Variants in CRACD observed in about 807,000 individuals in gnomAD.
CRACD encodes the protein capping protein inhibiting regulator of actin dynamics.
CRACD carries 56 observed loss-of-function variants against 106.8 expected under a neutral mutation model. The observed-to-expected ratio is 0.52, with a 90% CI of 0.42 to 0.66. The LOEUF (loss-of-function observed/expected upper bound fraction) is 0.66. Among genes scored for constraint, CRACD ranks in the 30% least tolerant of loss-of-function variants. The pLI, the probability that CRACD is intolerant of heterozygous loss-of-function variation, is 0.00. For synonymous variants in CRACD, 754 were observed against 670.8 expected, an observed-to-expected ratio of 1.12 and a Z score of -1.92; for missense variants, 1,730 against 1,623.2, an observed-to-expected ratio of 1.07 and a Z score of -1.13.
intron 2 of CRACD, among the ~76,000 whole-genome samples, chr4:56,210,621 T>C (rs150027972): frequency 3.3e-3 from 509 of 152,362 alleles, no homozygotes; most frequent in Non-Finnish European, 4.3e-3. Context: ...GCAAGGTTTG[T>C]TAGGTAAACA....
intron 2 of CRACD, among the ~76,000 whole-genome samples, chr4:56,210,636 T>C (rs1738352640): frequency 6.6e-6 from 1 of 152,252 alleles, no homozygotes; most frequent in African/African-American, 2.4e-5. Flanking sequence ...TAAACATTAA[T>C]CCATTGTCTT....
Position 56,315,461 on chromosome 4 carries a change from G to C in CRACD, c.1959G>C (p.Lys653Asn), listed in dbSNP as rs769843830. 29 of 1,613,010 alleles carry C rather than the reference G, an allele frequency of 1.8e-5. No homozygotes were observed. The highest frequency in any genetic ancestry group is 2.4e-5 in the Non-Finnish European group (28 of 1,179,830). The change falls in exon 8 of 11, where the codon AAG becomes AAC. Residue 653 changes from lysine (K) to asparagine (N), a missense_variant. Around this residue, in one of 5 missense-constraint regions of CRACD, gnomAD observed 1,620 missense variants for 1,481.6 expected, o/e 1.09. Coordinates refer to ENST00000682029, the MANE Select transcript of CRACD (RefSeq NM_001393381.1). The surrounding 1 kb of genome is among the most constrained non-coding windows in gnomAD (Gnocchi z 4.1). ...CGAGGGCGGGCAGCGGGAAGGCTAA[G>C]CCCCGCCAGGAGTCTCCCAGCAGCG... ...GDARAGSGKAKPRQESPSSAS... is the reference protein window; with the variant it reads ...GDARAGSGKANPRQESPSSAS...
intron 2 of CRACD, among the ~76,000 whole-genome samples, chr4:56,216,702 C>T (rs975045173): frequency 4.6e-5 from 7 of 152,094 alleles, no homozygotes; most frequent in Admixed American, 2.0e-4. Flanking sequence ...AATGTCAGGC[C>T]GGGCGCGGTG....
intron 1 of CRACD, among the ~76,000 whole-genome samples, chr4:56,079,812 C>G (rs527663341): frequency 1.3e-5 from 2 of 152,006 alleles, no homozygotes; most frequent in Non-Finnish European, 2.9e-5. Flanking sequence ...CAATGAAAAC[C>G]GTGCAGTAGC....
At position 56,180,654 on chromosome 4, in the gene CRACD, C is replaced by T. The variant is rs369979087; in HGVS notation, c.-189+1224C>T. 3.3e-5 allele frequency among the ~76,000 whole-genome samples: 5 copies of T among 152,144 alleles called. No homozygotes were observed. The East Asian group carries it at 9.6e-4, about 29-fold the overall frequency. On this transcript the variant is annotated intron_variant, in intron 2 of 10. Coordinates refer to ENST00000682029, the MANE Select transcript of CRACD (RefSeq NM_001393381.1). ...AGGAAATAAAATAACAACTACCTAT[C>T]AACAGTGACCTATTACGATAACTAC...
intron 1 of CRACD, among the ~76,000 whole-genome samples, chr4:56,143,667 C>A (rs1735282422): frequency 6.6e-6 from 1 of 152,102 alleles, no homozygotes; most frequent in African/African-American, 2.4e-5. Context: ...CCCATATTGG[C>A]CATGATTCTT....
chr4:56,300,871 G>T (rs555230767), intron 4 of CRACD, among the ~76,000 whole-genome samples: 2 of 152,294 alleles, frequency 1.3e-5, no homozygotes, highest in African/African-American at 2.4e-5. Flanking sequence ...AGTAAGGCGT[G>T]ATTTTAAATA....
intron 2 of CRACD, among the ~76,000 whole-genome samples, chr4:56,234,918 C>G (rs1050539283): frequency 2.6e-5 from 4 of 152,104 alleles, no homozygotes; most frequent in Admixed American, 6.5e-5. Flanking sequence ...GCCAAGGGAA[C>G]TGATTTTCTG....
intron 1 of CRACD, among the ~76,000 whole-genome samples, chr4:56,160,843 C>T (rs183493184): frequency 2.0e-5 from 3 of 152,328 alleles, no homozygotes; most frequent in African/African-American, 7.2e-5. Context: ...GCTCCTTGTC[C>T]CCTGGACTCC....
At chr4:56,101,949 T>C (rs539751307) in intron 1 of CRACD, among the ~76,000 whole-genome samples, 1 of 152,340 alleles carries the variant, frequency 6.6e-6, no homozygotes, top group South Asian at 2.1e-4. Context: ...AATTGTTATA[T>C]AGTTTTTCAT....
At chr4:56,317,194 C>T (rs139100552) in intron 8 of CRACD, among the ~76,000 whole-genome samples, 4 of 152,280 alleles carry the variant, frequency 2.6e-5, no homozygotes, top group Admixed American at 6.5e-5. Flanking sequence ...GTGGTCCTTG[C>T]GCTCCTTGTC....
At chr4:56,263,718 T>C (rs1741845185) in intron 2 of CRACD, among the ~76,000 whole-genome samples, 1 of 152,194 alleles carries the variant, frequency 6.6e-6, no homozygotes, top group African/African-American at 2.4e-5. Flanking sequence ...GGAGAGAATA[T>C]TTAAAAAATA....
At chr4:56,053,284 C>T (rs374718049) in intron 1 of CRACD, among the ~76,000 whole-genome samples, 5 of 152,144 alleles carry the variant, frequency 3.3e-5, no homozygotes, top group African/African-American at 1.2e-4. Flanking sequence ...CTTTAAGAAA[C>T]CACCACCAAG....
At chr4:56,198,722 C>T (rs1478546611) in intron 2 of CRACD, among the ~76,000 whole-genome samples, 1 of 151,930 alleles carries the variant, frequency 6.6e-6, no homozygotes, top group African/African-American at 2.4e-5. Context: ...CCCTTCCTCA[C>T]GCTGACTGAA....
At chr4:56,076,286 T>A (rs929594340) in intron 1 of CRACD, among the ~76,000 whole-genome samples, 11 of 152,222 alleles carry the variant, frequency 7.2e-5, no homozygotes, top group Non-Finnish European at 1.2e-4. Context: ...ATTCAGAAAA[T>A]ACATTTCTGT....
intron 1 of CRACD, among the ~76,000 whole-genome samples, chr4:56,062,071 C>T (rs1195434004): frequency 3.9e-5 from 6 of 152,132 alleles, no homozygotes; most frequent in Admixed American, 3.9e-4. Flanking sequence ...TAATTTGTAT[C>T]CTACTTCTTT....
intron 1 of CRACD, among the ~76,000 whole-genome samples, chr4:56,084,588 C>G (rs957100775): frequency 6.6e-6 from 1 of 152,078 alleles, no homozygotes. Flanking sequence ...TCAGTGCCAG[C>G]CAGCACCAAG....
rs757082455 is a variant in CRACD, at chr4:56,314,884, G to A, written c.1382G>A (p.Arg461Gln). ...CEEQNPEAER[R>Q]REQQGRSGDF... ...GAGCAGAACCCAGAGGCCGAGCGGC[G>A]AAGAGAGCAGCAGGGAAGGAGCGGG... The change falls in exon 8 of 11, where the codon CGA (arginine) becomes CAA (glutamine). Residue 461 changes from arginine to glutamine, a missense_variant. Physicochemically the swap from Arg to Gln is conservative, Grantham distance 43. Coordinates refer to ENST00000682029, the MANE Select transcript of CRACD (RefSeq NM_001393381.1). This position sits in a 1 kb window ranked among gnomAD's most constrained non-coding sequence, Gnocchi z 4.4. 5.6e-6 allele frequency: 9 copies of A among 1,610,884 alleles called. No individual in the cohort carries two copies. The highest frequency in any genetic ancestry group is 2.2e-5 in the East Asian group (1 of 44,772).
At chr4:56,327,613 CT>C (rs774662068) in intron 10 of CRACD, 30 bp from the exon 11 acceptor site, 1 of 1,595,804 alleles carries the variant, frequency 6.3e-7, no homozygotes, top group Non-Finnish European at 8.6e-7. Context: ...TGTGAACTTA[CT>C]TTTTCCTTTT....
Sources: gnomAD v4.1 joint callset for allele counts (sites outside exome capture counted in the v4.1 genomes callset) on GRCh38, gnomAD v4.1.1 for gene constraint, gnomAD v4.1.1 regional missense constraint, Gnocchi (gnomAD v3.1) non-coding constraint, MANE v1.5 for transcripts, NCBI Gene and HGNC (gene_info 2026-07-23, HGNC 2026-07-21) for gene names.